The following MSI2 variants were observed in gnomAD, a reference collection of about 807,000 sequenced individuals.
The protein encoded by MSI2 is musashi RNA binding protein 2, also known as RNA-binding protein Musashi homolog 2.
A neutral mutation model predicts 45.6 loss-of-function variants in MSI2; 17 were observed. That is an observed-to-expected ratio of 0.37 (90% CI 0.26 to 0.56). MSI2 has a LOEUF of 0.56. Among genes scored for constraint, MSI2 ranks in the 20% least tolerant of loss-of-function variants. The pLI, the probability that MSI2 is intolerant of heterozygous loss-of-function variation, is 0.77. For missense variants in MSI2, 293 were observed against 444.2 expected (o/e 0.66, Z 3.06); for synonymous variants, 156 against 158.2 (o/e 0.99, Z 0.11).
At chr17:57,340,975 T>C (rs76341695) in intron 5 of MSI2, among the ~76,000 whole-genome samples, 3,333 of 152,268 alleles carry the variant, frequency 0.022, 129 homozygotes, top group African/African-American at 0.075. Flanking sequence ...GGGATCTGCA[T>C]TGCTCCCCCG....
At chr17:57,363,707 C>G (rs1221735363) in intron 5 of MSI2, among the ~76,000 whole-genome samples, 1 of 152,094 alleles carries the variant, frequency 6.6e-6, no homozygotes, top group Non-Finnish European at 1.5e-5. Context: ...CCACTGCACT[C>G]CAGCCTGGGC....
chr17:57,357,902 T>C (rs537996062), intron 5 of MSI2, among the ~76,000 whole-genome samples: 1 of 152,370 alleles, frequency 6.6e-6, no homozygotes, highest in South Asian at 2.1e-4. Flanking sequence ...GCCCTTACCT[T>C]TGACCTTAGT....
chr17:57,558,989 G>C (rs2087508419), intron 7 of MSI2, among the ~76,000 whole-genome samples: 1 of 152,144 alleles, frequency 6.6e-6, no homozygotes, highest in Non-Finnish European at 1.5e-5. Context: ...TTGAACCCAG[G>C]AGGCGGAGGT....
At chr17:57,580,980 A>G (rs2088186464) in intron 7 of MSI2, among the ~76,000 whole-genome samples, 1 of 136,256 alleles carries the variant, frequency 7.3e-6, no homozygotes, top group Admixed American at 7.7e-5. Context: ...TTTAATCCCC[A>G]TGCCAGCCCC....
chr17:57,399,964 G>T (rs1050623177), intron 5 of MSI2, among the ~76,000 whole-genome samples: 1 of 152,262 alleles, frequency 6.6e-6, no homozygotes, highest in East Asian at 1.9e-4. Flanking sequence ...CAGCAGATAC[G>T]CCGGGAGCCT....
chr17:57,527,749 C>G (rs540083770), intron 6 of MSI2, among the ~76,000 whole-genome samples: 1 of 152,370 alleles, frequency 6.6e-6, no homozygotes, highest in African/African-American at 2.4e-5. Context: ...AGGCCAGTCC[C>G]TTTGAGGTTT....
At chr17:57,667,501 C>T (rs1912454643) in intron 11 of MSI2, among the ~76,000 whole-genome samples, 1 of 152,144 alleles carries the variant, frequency 6.6e-6, no homozygotes, top group Non-Finnish European at 1.5e-5. Context: ...AGGACAAGCC[C>T]CGTGCCAATG....
chr17:57,275,426 T>C (rs1908751629), intron 5 of MSI2, among the ~76,000 whole-genome samples: 1 of 152,200 alleles, frequency 6.6e-6, no homozygotes, highest in Admixed American at 6.5e-5. Flanking sequence ...TGCTTGGGGA[T>C]ATGGAATAGT....
At chr17:57,371,484 A>C (rs1462922102) in intron 5 of MSI2, among the ~76,000 whole-genome samples, 4 of 143,108 alleles carry the variant, frequency 2.8e-5, no homozygotes, top group African/African-American at 1.0e-4. Context: ...ATTTCGGTAC[A>C]TTTTTTTCTG....
intron 6 of MSI2, among the ~76,000 whole-genome samples, chr17:57,481,325 A>C (rs904836309): frequency 1.3e-5 from 2 of 152,218 alleles, no homozygotes; most frequent in African/African-American, 4.8e-5. Context: ...TTCCACCCAA[A>C]TAAATAAGTC....
chr17:57,275,870 T>C (rs926304232), intron 5 of MSI2, among the ~76,000 whole-genome samples: 3 of 152,256 alleles, frequency 2.0e-5, no homozygotes, highest in Non-Finnish European at 4.4e-5. Context: ...TTGTAATTAA[T>C]GCAGAAACAG....
At chr17:57,413,829 G>T (rs946143041) in intron 6 of MSI2, among the ~76,000 whole-genome samples, 2 of 152,126 alleles carry the variant, frequency 1.3e-5, no homozygotes, top group South Asian at 4.1e-4. Flanking sequence ...GCTCCGCAAT[G>T]TAGGACTGTT....
chr17:57,548,508 C>T (rs2087223308), intron 7 of MSI2, among the ~76,000 whole-genome samples: 2 of 152,144 alleles, frequency 1.3e-5, no homozygotes, highest in African/African-American at 4.8e-5. Context: ...TTCTGCCTTG[C>T]TTCCAAGTGA....
downstream of MSI2, among the ~76,000 whole-genome samples, chr17:57,686,070 T>G (rs1913871812): frequency 6.6e-6 from 1 of 152,174 alleles, no homozygotes; most frequent in Non-Finnish European, 1.5e-5. Flanking sequence ...GGTGGATAAT[T>G]TGCCCATGGT....
chr17:57,523,904 A>T (rs568007354), intron 6 of MSI2, among the ~76,000 whole-genome samples: 32 of 152,314 alleles, frequency 2.1e-4, no homozygotes, highest in African/African-American at 7.7e-4. Flanking sequence ...AGGACCACGT[A>T]TGAGTTACCT....
chr17:57,339,949 C>T (rs572245558), intron 5 of MSI2, among the ~76,000 whole-genome samples: 10 of 152,224 alleles, frequency 6.6e-5, no homozygotes, highest in Admixed American at 4.6e-4. Flanking sequence ...CATCAGTGAC[C>T]GGGAATGGAA....
chr17:57,695,656 C>A, the MSI2 span, among the ~76,000 whole-genome samples: 1 of 152,140 alleles, frequency 6.6e-6, no homozygotes, highest in African/African-American at 2.4e-5. Flanking sequence ...CATAAGGACT[C>A]GATTAAAAAC....
intron 5 of MSI2, among the ~76,000 whole-genome samples, chr17:57,332,599 A>T (rs1196622636): frequency 1.3e-5 from 2 of 152,250 alleles, no homozygotes; most frequent in South Asian, 4.1e-4. Flanking sequence ...TGGGTTAAGA[A>T]TACTTTAAAA....
the MSI2 span, among the ~76,000 whole-genome samples, chr17:57,691,194 C>CA: frequency 7.4e-6 from 1 of 134,448 alleles, no homozygotes; most frequent in African/African-American, 2.7e-5. Flanking sequence ...CTCTCTCTCT[C>CA]TCTCTCATCT....
Sources: allele counts gnomAD v4.1 joint callset (sites outside exome capture counted in the v4.1 genomes callset), GRCh38; gene constraint gnomAD v4.1.1; transcripts MANE v1.5; gene names NCBI Gene and HGNC (gene_info 2026-07-23, HGNC 2026-07-21).